The following SYNPO2 variants were observed in gnomAD, a reference collection of about 807,000 sequenced individuals.
The protein encoded by SYNPO2 is synaptopodin-2.
A neutral mutation model predicts 85.0 loss-of-function variants in SYNPO2; 56 were observed. The observed-to-expected ratio is 0.66, with a 90% CI of 0.53 to 0.82. The LOEUF (loss-of-function observed/expected upper bound fraction) is 0.82. Among genes scored for constraint, SYNPO2 ranks in the 40% least tolerant of loss-of-function variants. SYNPO2 has a pLI of 0.00. For synonymous variants in SYNPO2, 602 were observed against 591.1 expected, an observed-to-expected ratio of 1.02 and a Z score of -0.27; for missense variants, 1,575 against 1,534.2, an observed-to-expected ratio of 1.03 and a Z score of -0.44.
intron 1 of SYNPO2, among the ~76,000 whole-genome samples, chr4:118,934,437 C>T (rs1307205569): frequency 1.3e-5 from 2 of 152,158 alleles, no homozygotes; most frequent in Non-Finnish European, 2.9e-5. Context: ...ATGCATAACT[C>T]ATGGGAAGAA....
chr4:119,038,238 T>C, intron 4 of SYNPO2: 9 of 985,416 alleles, frequency 9.1e-6, no homozygotes, highest in Non-Finnish European at 1.1e-5. Context: ...CTCTGCTTTG[T>C]AGATAGCTTT....
intron 1 of SYNPO2, among the ~76,000 whole-genome samples, chr4:118,911,922 C>T (rs1243683790): frequency 6.6e-6 from 1 of 152,026 alleles, no homozygotes; most frequent in Non-Finnish European, 1.5e-5. Context: ...CAGGTTAAGC[C>T]AATTGACAGG....
chr4:118,884,011 C>T (rs1001427054), upstream of SYNPO2, among the ~76,000 whole-genome samples: 3 of 152,132 alleles, frequency 2.0e-5, no homozygotes, highest in Non-Finnish European at 2.9e-5. Flanking sequence ...TGCCCCAAGC[C>T]CCATAAGGGT....
At chr4:118,932,938 A>G (rs920708582) in intron 1 of SYNPO2, among the ~76,000 whole-genome samples, 4 of 152,150 alleles carry the variant, frequency 2.6e-5, no homozygotes, top group Non-Finnish European at 5.9e-5. Flanking sequence ...GAACTGTAAC[A>G]TGCTCCACCC....
At position 119,031,734 on chromosome 4, in the gene SYNPO2, G is replaced by A; in HGVS notation, c.2959G>A (p.Gly987Ser). 6.2e-7 allele frequency: 1 copy of A among 1,614,132 alleles called. No homozygotes were observed. Among genetic ancestry groups the A allele is most frequent in the Non-Finnish European group, 8.5e-7 (1 of 1,180,028 alleles). Residue 987 changes from glycine (G) to serine (S), a missense_variant, in exon 4 of 5, where the codon GGC becomes AGC. Transcript: ENST00000307142. The stretch of plus-strand genomic sequence containing the variant: ...TTTCCAACCTCCAGATGCAAAGGAT[G>A]GCCTCCCCCAGAAGTCATCAGTCAA... ...FTFQPPDAKD[G>S]LPQKSSVKVN...
chr4:118,975,859 C>T (rs757640978), intron 1 of SYNPO2, among the ~76,000 whole-genome samples: 53 of 152,352 alleles, frequency 3.5e-4, no homozygotes, highest in Admixed American at 8.5e-4. Flanking sequence ...GAATTTCATT[C>T]TCCTGCCACT....
At chr4:119,049,013 G>A (rs1738956285) in intron 4 of SYNPO2, among the ~76,000 whole-genome samples, 1 of 152,180 alleles carries the variant, frequency 6.6e-6, no homozygotes. Flanking sequence ...AAATCAATTA[G>A]GAGACAGTAG....
intron 1 of SYNPO2, among the ~76,000 whole-genome samples, chr4:119,002,708 G>T (rs1281346713): frequency 6.6e-6 from 1 of 151,862 alleles, no homozygotes; most frequent in Non-Finnish European, 1.5e-5. Context: ...TATTTCTTTG[G>T]TTTTTCTTCC....
chr4:118,881,226 C>T (rs1192638438), intron 1 of SYNPO2, among the ~76,000 whole-genome samples: 5 of 150,106 alleles, frequency 3.3e-5, no homozygotes, highest in African/African-American at 4.9e-5. Context: ...GGCATGAACC[C>T]GGGAGGTGGA....
intron 1 of SYNPO2, among the ~76,000 whole-genome samples, chr4:119,003,388 C>T (rs144091167): frequency 0.011 from 1,744 of 152,212 alleles, 17 homozygotes; most frequent in Non-Finnish European, 0.013. Flanking sequence ...TCCCTTGACA[C>T]GTGGGGATTA....
rs1213782334 is a variant in SYNPO2, at chr4:118,943,345, C to T, written c.105+54204C>T. ...ACAAGAGAGGGGCTCGGTATCAGAG[C>T]AAATAATTAGGTAGATTGAGACATG... is the stretch of plus-strand genomic sequence containing the variant. On this transcript the variant is annotated intron_variant, in intron 1 of 4. Coordinates refer to ENST00000307142, the MANE Select transcript of SYNPO2 (RefSeq NM_133477.3). Among the ~76,000 whole-genome samples the T allele has an allele frequency of 2.6e-5, 4 of 152,200 alleles. No homozygotes were observed. The East Asian group carries it at 7.7e-4, about 29-fold the overall frequency.
chr4:119,029,534 T>C (rs1365253438), intron 3 of SYNPO2, among the ~76,000 whole-genome samples: 2 of 152,150 alleles, frequency 1.3e-5, no homozygotes, highest in Non-Finnish European at 2.9e-5. Context: ...ATCCTATTAA[T>C]TGACATTTAC....
chr4:118,989,443 C>T (rs1258064886), intron 1 of SYNPO2, among the ~76,000 whole-genome samples: 1 of 152,220 alleles, frequency 6.6e-6, no homozygotes. Context: ...GCACCATTCT[C>T]TAATTGTTTC....
chr4:119,051,334 C>T (rs62328675), intron 4 of SYNPO2, among the ~76,000 whole-genome samples: 18,864 of 146,708 alleles, frequency 0.13, 1,581 homozygotes, highest in Middle Eastern at 0.31. Context: ...GGACTACAAG[C>T]GCCCGCCACT....
chr4:119,023,413 T>G lies in SYNPO2; in HGVS notation c.106-17T>G. The G allele has an allele frequency of 1.9e-6, 3 of 1,593,304 alleles. No individual in the cohort carries two copies. The highest frequency in any genetic ancestry group is 2.6e-6 in the Non-Finnish European group (3 of 1,171,220). ...ATTATATCATTCTACTATGTCTTCT[T>G]TTTTTACTCCACTCAGATTCGAAAT... On this transcript the variant is annotated splice_polypyrimidine_tract_variant and intron_variant, in intron 1 of 4. Transcript: ENST00000307142.
At chr4:118,887,584 T>G (rs565869291), upstream of SYNPO2, among the ~76,000 whole-genome samples, 1 of 152,360 alleles carries the variant, frequency 6.6e-6, no homozygotes, top group African/African-American at 2.4e-5. Flanking sequence ...TATCTTGTTT[T>G]TATTAATCTT....
intron 1 of SYNPO2, among the ~76,000 whole-genome samples, chr4:119,003,212 A>G (rs1284863959): frequency 1.3e-5 from 2 of 152,198 alleles, no homozygotes; most frequent in African/African-American, 4.8e-5. Flanking sequence ...ACTTACAATC[A>G]TGATGGAAGG....
chr4:118,879,446 T>G (rs948451188), intron 1 of SYNPO2, among the ~76,000 whole-genome samples: 1 of 152,060 alleles, frequency 6.6e-6, no homozygotes, highest in African/African-American at 2.4e-5. Flanking sequence ...AGAGCCCTTG[T>G]GAATGGATTA....
intron 1 of SYNPO2, among the ~76,000 whole-genome samples, chr4:118,904,040 A>G (rs1177860653): frequency 6.6e-6 from 1 of 152,156 alleles, no homozygotes; most frequent in Admixed American, 6.6e-5. Flanking sequence ...TTAAAAGGAA[A>G]TACCTCAAGC....
Sources: gnomAD v4.1 joint callset for allele counts (sites outside exome capture counted in the v4.1 genomes callset) on GRCh38, gnomAD v4.1.1 for gene constraint, MANE v1.5 for transcripts, NCBI Gene and HGNC (gene_info 2026-07-23, HGNC 2026-07-21) for gene names.